Variants in APBB3 observed in about 807,000 individuals in gnomAD.
The protein encoded by APBB3 is amyloid-beta A4 precursor protein-binding family B member 3.
Under a neutral mutation model 61.5 loss-of-function variants are expected in APBB3, and 50 were observed. The ratio of observed to expected loss-of-function variants is 0.81; its 90% confidence interval spans 0.65 to 1.03. The LOEUF is 1.03. APBB3 is among the 50% of genes least tolerant of loss of function. The pLI, the probability that APBB3 is intolerant of heterozygous loss-of-function variation, is 0.00. For synonymous variants in APBB3, 235 were observed against 233.0 expected, an observed-to-expected ratio of 1.01 and a Z score of -0.08; for missense variants, 550 against 637.4, an observed-to-expected ratio of 0.86 and a Z score of 1.48.
chr5:140,560,905 C>T lies in APBB3; in HGVS notation c.916+113G>A. ...TCTGATTTGGGAAGGCTGGTAGACC[C>T]CAGGCCATAACAAGGCCACGGGAGG... On this transcript the variant is annotated intron_variant, in intron 10 of 12. Coordinates refer to ENST00000357560, the MANE Select transcript of APBB3 (RefSeq NM_133173.3). The surrounding 1 kb of genome is among the most constrained non-coding windows in gnomAD (Gnocchi z 5.1). The T allele has an allele frequency of 7.1e-7, 1 of 1,404,772 alleles. No homozygotes were observed. Among genetic ancestry groups the T allele is most frequent in the Non-Finnish European group, 9.9e-7 (1 of 1,011,850 alleles). The allele number at this position is 1,404,772 out of a possible 1,614,324, so 87.0% of individuals were successfully genotyped here.
chr5:140,564,493 T>C lies in APBB3; in HGVS notation c.-248A>G. On this transcript the variant is annotated 5_prime_UTR_variant, in exon 1 of 13. Coordinates refer to ENST00000357560, the MANE Select transcript of APBB3 (RefSeq NM_133173.3). This position sits in a 1 kb window ranked among gnomAD's most constrained non-coding sequence, Gnocchi z 5.0. ...CTGGATCCCCGAATGGTTGCGTGTT[T>C]CCGTGTGTGGGTCCGGGGGAGGCCC... 2 of 576,756 alleles carry C rather than the reference T, an allele frequency of 3.5e-6. No individual in the cohort carries two copies. The highest frequency in any genetic ancestry group is 6.1e-6 in the Non-Finnish European group (2 of 326,624). The allele number at this position is 576,756 out of a possible 1,614,324, so 35.7% of individuals were successfully genotyped here. A position where few individuals can be genotyped will look rare whatever the true frequency, so the allele number is the denominator to read the frequency against.
chr5:140,562,201 C>A lies in APBB3; in HGVS notation c.525G>T (p.Lys175Asn), dbSNP rs1201921816. 2 of 1,614,188 alleles carry A rather than the reference C, an allele frequency of 1.2e-6. No individual in the cohort carries two copies. Among genetic ancestry groups the A allele is most frequent in the Admixed American group, 1.7e-5 (1 of 60,032 alleles). Residue 175 changes from lysine (K) to asparagine (N), a missense_variant, in exon 6 of 13, where the codon AAG becomes AAT. Lys to Asn is a moderately conservative substitution (Grantham distance 94). Coordinates refer to ENST00000357560, the MANE Select transcript of APBB3 (RefSeq NM_133173.3). ...GEGQNMLMIL[K>N]KDAMSLVNPL... ...GATTCACTAGGCTCATGGCATCCTT[C>A]TTCAGGATCATCAGCATGTTCTGGC...
intron 6 of APBB3, 45 bp from the exon 7 acceptor site, chr5:140,561,894 C>T: frequency 3.1e-6 from 5 of 1,613,392 alleles, no homozygotes; most frequent in Non-Finnish European, 4.2e-6. Flanking sequence ...TCAGCCCAGC[C>T]TCTCGGACTC....
chr5:140,560,282 T>TTCCCCCC lies in APBB3; in HGVS notation c.1224+30_1224+31insGGGGGGA. The TTCCCCCC allele has an allele frequency of 1.3e-6, 2 of 1,596,714 alleles. No homozygotes were observed. Among genetic ancestry groups the TTCCCCCC allele is most frequent in the African/African-American group, 2.7e-5 (2 of 73,684 alleles). On this transcript the variant is annotated intron_variant, in intron 12 of 12. Coordinates refer to ENST00000357560, the MANE Select transcript of APBB3 (RefSeq NM_133173.3). This position sits in a 1 kb window ranked among gnomAD's most constrained non-coding sequence, Gnocchi z 5.1. ...ACAGTGGAGAGCAGCTGCAGGGCAA[T>TTCCCCCC]CCCACCAACCCATTCCCACCCATGA...
Position 140,560,282 on chromosome 5 carries a change from T to TGC in APBB3, c.1224+30_1224+31insGC. On this transcript the variant is annotated intron_variant, in intron 12 of 12. Transcript: ENST00000357560. This position sits in a 1 kb window ranked among gnomAD's most constrained non-coding sequence, Gnocchi z 5.1. ...ACAGTGGAGAGCAGCTGCAGGGCAATCCCACCAACCCATTCCCACCCATGA... is the reference window on the plus strand; with the variant it reads ...ACAGTGGAGAGCAGCTGCAGGGCAATGCCCCACCAACCCATTCCCACCCATGA... 2 of 1,596,696 alleles carry TGC rather than the reference T, an allele frequency of 1.3e-6. No individual in the cohort carries two copies. The highest frequency in any genetic ancestry group is 1.4e-5 in the African/African-American group (1 of 73,672).
At position 140,564,066 on chromosome 5, in the gene APBB3, C is replaced by A; in HGVS notation, c.49+131G>T. ...ATCTTGAAGACATCACATGTAAAGA[C>A]CGGGTTCATTCGCCCCCTGGTCCCT... On this transcript the variant is annotated intron_variant, in intron 1 of 12. Coordinates refer to ENST00000357560, the MANE Select transcript of APBB3 (RefSeq NM_133173.3). This position sits in a 1 kb window ranked among gnomAD's most constrained non-coding sequence, Gnocchi z 5.0. 1 of 1,474,954 alleles carries A rather than the reference C, an allele frequency of 6.8e-7. No individual in the cohort carries two copies. Among genetic ancestry groups the A allele is most frequent in the East Asian group, 2.4e-5 (1 of 42,030 alleles). 91.4% of individuals were successfully genotyped at this position (1,474,954 alleles called of 1,614,324 possible).
chr5:140,560,599 T>G lies in APBB3; in HGVS notation c.1032+40A>C. 6.2e-7 allele frequency: 1 copy of G among 1,611,570 alleles called. No individual in the cohort carries two copies. The highest frequency in any genetic ancestry group is 2.2e-5 in the East Asian group (1 of 44,796). ...AGCAGTGACCCCTCAGCATCCCTGCTCACCCCTCCAAAGCCCCCAACTTCA... is the reference window on the plus strand; with the variant it reads ...AGCAGTGACCCCTCAGCATCCCTGCGCACCCCTCCAAAGCCCCCAACTTCA... On this transcript the variant is annotated intron_variant, in intron 11 of 12. Transcript: ENST00000357560. This position sits in a 1 kb window ranked among gnomAD's most constrained non-coding sequence, Gnocchi z 5.1.
chr5:140,563,526 TG>T (rs1755064249), intron 3 of APBB3, 67 bp downstream of exon 3: 14 of 1,582,456 alleles, frequency 8.8e-6, no homozygotes, highest in Non-Finnish European at 1.2e-5. Context: ...AAGCAGACCA[TG>T]GGTCCAGCTG....
intron 4 of APBB3, 65 bp from the exon 5 acceptor site, chr5:140,562,564 C>A: frequency 1.2e-6 from 2 of 1,609,044 alleles, no homozygotes; most frequent in Non-Finnish European, 1.7e-6. Context: ...TGCCACAATA[C>A]ATACTCCCTG....
intron 9 of APBB3, 63 bp downstream of exon 9, chr5:140,561,302 G>T: frequency 1.3e-6 from 2 of 1,569,084 alleles, no homozygotes; most frequent in Non-Finnish European, 1.8e-6. Flanking sequence ...ACCAGAAATC[G>T]CCCCCCCACA....
chr5:140,563,241 T>A (rs1755048786), intron 3 of APBB3: 1 of 319,738 alleles, frequency 3.1e-6, no homozygotes, highest in African/African-American at 2.2e-5. Flanking sequence ...TGAGACTCCA[T>A]CTCAAAAAAT....
chr5:140,561,436 C>T lies in APBB3; in HGVS notation c.761G>A (p.Arg254Gln), dbSNP rs200973723. ...AGAGGCATCACCACTGACCTCTACT[C>T]GCTCTGACAAGATCTAAAACACAAT... ...HGLCAQILSERVEVSGDASCC... is the reference protein window; with the variant it reads ...HGLCAQILSEQVEVSGDASCC... The change falls in exon 9 of 13, where the codon CGA (arginine) becomes CAA (glutamine). Residue 254 changes from arginine to glutamine, a missense_variant. Arg to Gln is a conservative substitution (Grantham distance 43). Transcript: ENST00000357560. 13 of 1,614,188 alleles carry T rather than the reference C, an allele frequency of 8.1e-6. No individual in the cohort carries two copies. The highest frequency in any genetic ancestry group is 4.5e-5 in the East Asian group (2 of 44,876).
At position 140,561,355 on chromosome 5, in the gene APBB3, C is replaced by A; in HGVS notation, c.832+10G>T. ...CCCAATGCAGCAATGCAGGTCTCCC[C>A]TCCCCATACCTTGCCGTGGCAGGTC... On this transcript the variant is annotated intron_variant, in intron 9 of 12. Transcript: ENST00000357560. 1 of 1,614,180 alleles carries A rather than the reference C, an allele frequency of 6.2e-7. No homozygotes were observed. Among genetic ancestry groups the A allele is most frequent in the South Asian group, 1.1e-5 (1 of 91,080 alleles).
intron 4 of APBB3, 42 bp from the exon 5 acceptor site, chr5:140,562,541 G>A (rs1240876044): frequency 1.2e-6 from 2 of 1,612,136 alleles, no homozygotes; most frequent in South Asian, 1.1e-5. Context: ...TAAGGATGGA[G>A]TAGGGTGGCA....
intron 12 of APBB3, among the ~76,000 whole-genome samples, chr5:140,559,148 C>A (rs1754837652): frequency 6.6e-6 from 1 of 152,176 alleles, no homozygotes; most frequent in Admixed American, 6.5e-5. Context: ...CAGAGAAAGG[C>A]AGAAATGGCA....
Position 140,563,902 on chromosome 5 carries a change from C to G in APBB3, c.63G>C (p.Gly21=), listed in dbSNP as rs34821081. ...CAGCCTCCACCTCCAGACTGTGGTC[C>G]CCCCACAAGTCATCTACAGGAACAC... ...ILVNCDDDLW[G]DHSLEVEAGL... is the part of the protein sequence containing the mutation. Residue 21 remains glycine (G), a synonymous_variant, in exon 2 of 13, where the codon GGG becomes GGC. Coordinates refer to ENST00000357560, the MANE Select transcript of APBB3 (RefSeq NM_133173.3). 2.6e-3 allele frequency: 4,117 copies of G among 1,613,614 alleles called. 100 individuals carry two copies. In the African/African-American group the frequency reaches 0.048, roughly 19 times the overall value.
intron 9 of APBB3, 77 bp from the exon 10 acceptor site, chr5:140,561,178 T>G: frequency 6.4e-7 from 1 of 1,559,406 alleles, no homozygotes; most frequent in Non-Finnish European, 8.8e-7. Flanking sequence ...GGGCCAGGAC[T>G]CAGGTCAGAG....
At chr5:140,558,993 C>T (rs992571578) in intron 12 of APBB3, among the ~76,000 whole-genome samples, 172 bp from the exon 13 acceptor site, 5 of 152,170 alleles carry the variant, frequency 3.3e-5, no homozygotes, top group Non-Finnish European at 4.4e-5. Context: ...AATCATAAAA[C>T]ATGTATCAGA....
chr5:140,558,714 T>C lies in APBB3; in HGVS notation c.1332A>G (p.Pro444=). 6.2e-7 allele frequency: 1 copy of C among 1,609,904 alleles called. No individual in the cohort carries two copies. ...RLKRTSSMDS[P]GGPLPLPLLK... is the part of the protein sequence containing the mutation. ...GCAGGGGGAGGGGCAGGGGACCTCC[T>C]GGGGAATCCATGGAGCTGGTCCGCT... Residue 444 remains proline, a synonymous_variant, in exon 13 of 13, where the codon CCA becomes CCG. Transcript: ENST00000357560.
Sources: gnomAD v4.1 joint callset for allele counts (sites outside exome capture counted in the v4.1 genomes callset) on GRCh38, gnomAD v4.1.1 for gene constraint, Gnocchi (gnomAD v3.1) non-coding constraint, MANE v1.5 for transcripts, NCBI Gene and HGNC (gene_info 2026-07-23, HGNC 2026-07-21) for gene names.